GPHN: variants seen among roughly 807,000 people sequenced by gnomAD.
The protein encoded by GPHN is gephyrin.
A neutral mutation model predicts 95.5 loss-of-function variants in GPHN; 17 were observed. The observed-to-expected ratio is 0.18, with a 90% confidence interval of 0.12 to 0.27. GPHN has a LOEUF of 0.27. Ranked by LOEUF, GPHN falls within the 10% of genes least tolerant of loss-of-function variation. The pLI, the probability that GPHN is intolerant of heterozygous loss-of-function variation, is 1.00. For missense variants in GPHN, 660 were observed against 978.1 expected (o/e 0.67, Z 4.34); for synonymous variants, 320 against 322.5 (o/e 0.99, Z 0.08).
intron 8 of GPHN, among the ~76,000 whole-genome samples, chr14:66,962,797 T>C (rs1408587477): frequency 2.0e-5 from 3 of 151,854 alleles, no homozygotes; most frequent in African/African-American, 7.2e-5. Context: ...GCCTTGATAC[T>C]CACCCATCTC....
the GPHN span, chr14:67,374,690 G>A: frequency 4.8e-5 from 24 of 500,624 alleles, no homozygotes; most frequent in East Asian, 4.0e-4. Flanking sequence ...TTTTGAAGCC[G>A]TTTTAGGTTA....
chr14:67,238,922 T>C, the GPHN span, among the ~76,000 whole-genome samples: 1 of 152,156 alleles, frequency 6.6e-6, no homozygotes. Context: ...GGATTACAGG[T>C]GTAAGCCACC....
At chr14:67,497,158 G>A in the GPHN span, among the ~76,000 whole-genome samples, 20 of 152,254 alleles carry the variant, frequency 1.3e-4, no homozygotes, top group African/African-American at 3.4e-4. Context: ...AAATCACAGC[G>A]AGGGAGAGCT....
the GPHN span, among the ~76,000 whole-genome samples, chr14:67,304,707 ATTGT>A: frequency 2.0e-5 from 3 of 152,216 alleles, no homozygotes; most frequent in Admixed American, 2.0e-4. Context: ...ATGTTTTAAA[ATTGT>A]TTGTGGTGAT....
chr14:67,480,620 C>T, the GPHN span, among the ~76,000 whole-genome samples: 2 of 152,128 alleles, frequency 1.3e-5, no homozygotes, highest in African/African-American at 4.8e-5. Flanking sequence ...GATGTGGAGA[C>T]CTCTGGACCT....
intron 5 of GPHN, among the ~76,000 whole-genome samples, chr14:66,894,800 A>G (rs2064742680): frequency 6.6e-6 from 1 of 152,214 alleles, no homozygotes; most frequent in Non-Finnish European, 1.5e-5. Context: ...AATCAAAACC[A>G]CAATGAGATA....
rs568299740 is a variant in GPHN at position 66,628,759 on chromosome 14, G to T, written c.65-52348G>T. On this transcript the variant is annotated intron_variant, in intron 1 of 22. Coordinates refer to ENST00000478722, the MANE Select transcript of GPHN (RefSeq NM_020806.5). ...GCTTAGCTTAAAACATAAACATATT[G>T]TACAAAAATGTTTTATTTCTGGCAG... Among the ~76,000 whole-genome samples, 8 of 151,704 alleles carry T rather than the reference G, an allele frequency of 5.3e-5. No individual in the cohort carries two copies. In the South Asian group the frequency reaches 1.7e-3, roughly 32 times the overall value.
the GPHN span, among the ~76,000 whole-genome samples, chr14:67,236,941 A>G: frequency 6.6e-6 from 1 of 151,970 alleles, no homozygotes; most frequent in African/African-American, 2.4e-5. Context: ...TTCAAAAAAA[A>G]TTAGCCGGGC....
the GPHN span, chr14:67,198,008 G>A: frequency 8.9e-6 from 7 of 785,716 alleles, no homozygotes; most frequent in Non-Finnish European, 1.4e-5. Context: ...ATTAATACAA[G>A]TGCCTGGTGC....
the GPHN span, chr14:67,340,366 C>G: frequency 7.9e-7 from 1 of 1,269,274 alleles, no homozygotes; most frequent in Non-Finnish European, 1.1e-6. Flanking sequence ...CATAAACCAA[C>G]AAGTCATTCA....
At chr14:67,313,664 T>G in the GPHN span, among the ~76,000 whole-genome samples, 5 of 152,176 alleles carry the variant, frequency 3.3e-5, no homozygotes, top group Admixed American at 2.0e-4. Context: ...ATTCATCCAT[T>G]TATTTGTTAA....
At chr14:67,567,278 A>G in the GPHN span, among the ~76,000 whole-genome samples, 503 of 152,314 alleles carry the variant, frequency 3.3e-3, 7 homozygotes, top group African/African-American at 0.012. Context: ...ACATTTCTCA[A>G]TCTGACGGTG....
At chr14:67,679,825 T>G in the GPHN span, among the ~76,000 whole-genome samples, 4 of 152,146 alleles carry the variant, frequency 2.6e-5, no homozygotes, top group African/African-American at 9.6e-5. Context: ...GTCAAAGTTT[T>G]AAAAAAAATG....
At chr14:66,781,788 A>G (rs1383778535) in intron 3 of GPHN, among the ~76,000 whole-genome samples, 1 of 152,208 alleles carries the variant, frequency 6.6e-6, no homozygotes, top group Non-Finnish European at 1.5e-5. Context: ...TTGAATATTT[A>G]GCTTGTTTCC....
intron 2 of GPHN, among the ~76,000 whole-genome samples, chr14:66,772,597 G>A (rs968562907): frequency 2.6e-5 from 4 of 152,132 alleles, no homozygotes; most frequent in African/African-American, 4.8e-5. Context: ...AGATGTATTC[G>A]AATAATGAAT....
chr14:67,381,526 TG>T, the GPHN span: 1 of 1,280,850 alleles, frequency 7.8e-7, no homozygotes, highest in African/African-American at 1.5e-5. Flanking sequence ...GCCACGTGTT[TG>T]ATTTCCTTTA....
chr14:67,323,674 T>C, the GPHN span: 2 of 1,031,418 alleles, frequency 1.9e-6, no homozygotes, highest in Non-Finnish European at 2.8e-6. Flanking sequence ...ATGCAAATTA[T>C]TTTAAAAATC....
At chr14:67,225,333 G>T in the GPHN span, 1 of 1,074,846 alleles carries the variant, frequency 9.3e-7, no homozygotes, top group Non-Finnish European at 1.3e-6. Context: ...CAAAAAAGTT[G>T]TTAATAAGTG....
At chr14:67,402,776 G>C in the GPHN span, among the ~76,000 whole-genome samples, 3 of 152,158 alleles carry the variant, frequency 2.0e-5, no homozygotes, top group South Asian at 6.2e-4. Flanking sequence ...TTTTATGGCT[G>C]AATAGTATTC....
Sources: allele counts gnomAD v4.1 joint callset (sites outside exome capture counted in the v4.1 genomes callset), GRCh38; gene constraint gnomAD v4.1.1; transcripts MANE v1.5; gene names NCBI Gene and HGNC (gene_info 2026-07-23, HGNC 2026-07-21).